RARB: variants seen among roughly 807,000 people sequenced by gnomAD.
RARB encodes HBV-activated protein.
RARB carries 17 observed loss-of-function variants against 51.9 expected under a neutral mutation model. The observed-to-expected ratio is 0.33, with a 90% CI of 0.22 to 0.49. The LOEUF (loss-of-function observed/expected upper bound fraction) is 0.49. RARB is among the 20% of genes least tolerant of loss of function. RARB has a pLI of 0.99. For missense variants in RARB, 369 were observed against 550.8 expected, an observed-to-expected ratio of 0.67 and a Z score of 3.30; for synonymous variants, 215 against 195.4, an observed-to-expected ratio of 1.10 and a Z score of -0.84.
At chr3:25,536,980 T>C (rs1306538549) in intron 3 of RARB, among the ~76,000 whole-genome samples, 2 of 152,170 alleles carry the variant, frequency 1.3e-5, no homozygotes, top group Non-Finnish European at 2.9e-5. Context: ...ACAGACGAAA[T>C]TCCCAGAATC....
intron 2 of RARB, among the ~76,000 whole-genome samples, chr3:24,983,201 T>A (rs1382794656): frequency 6.6e-6 from 1 of 152,148 alleles, no homozygotes; most frequent in Admixed American, 6.5e-5. Context: ...GGTACACACA[T>A]CTGCCAACCT....
chr3:25,454,101 T>G (rs1360984752), intron 1 of RARB, among the ~76,000 whole-genome samples: 1 of 152,060 alleles, frequency 6.6e-6, no homozygotes, highest in Non-Finnish European at 1.5e-5. Flanking sequence ...CAGTATGGAG[T>G]CTTCCCGTGC....
At chr3:24,835,443 T>C (rs1016228704) in intron 1 of RARB, among the ~76,000 whole-genome samples, 8 of 152,166 alleles carry the variant, frequency 5.3e-5, no homozygotes, top group Non-Finnish European at 1.2e-4. Context: ...ATGGTGAAAA[T>C]TAGAGTAATG....
chr3:25,486,319 G>C (rs75413377), intron 2 of RARB, among the ~76,000 whole-genome samples: 294 of 152,308 alleles, frequency 1.9e-3, no homozygotes, highest in African/African-American at 6.7e-3. Context: ...TTGTGAAATG[G>C]AACTACAGAA....
chr3:25,190,350 T>G (rs1391510879), intron 5 of RARB, among the ~76,000 whole-genome samples: 1 of 152,126 alleles, frequency 6.6e-6, no homozygotes, highest in Non-Finnish European at 1.5e-5. Flanking sequence ...GGTTCATGTT[T>G]CCAAATGATA....
At chr3:25,483,212 A>G (rs112127342) in intron 2 of RARB, among the ~76,000 whole-genome samples, 58 of 152,346 alleles carry the variant, frequency 3.8e-4, no homozygotes, top group African/African-American at 1.3e-3. Context: ...TCGGGACACA[A>G]TTGTTTTAAG....
At chr3:25,160,263 C>T (rs1367062619) in intron 4 of RARB, among the ~76,000 whole-genome samples, 2 of 152,166 alleles carry the variant, frequency 1.3e-5, no homozygotes, top group East Asian at 1.9e-4. Context: ...GTGGAGAAAG[C>T]GAAATAGCCA....
At chr3:25,151,688 G>A (rs1700289415) in intron 4 of RARB, among the ~76,000 whole-genome samples, 1 of 152,110 alleles carries the variant, frequency 6.6e-6, no homozygotes, top group African/African-American at 2.4e-5. Context: ...TCCGTCTATT[G>A]TACCTTTATT....
intron 2 of RARB, among the ~76,000 whole-genome samples, chr3:24,982,569 T>C (rs747500913): frequency 3.5e-4 from 54 of 152,352 alleles, no homozygotes; most frequent in Non-Finnish European, 6.0e-4. Context: ...TCTTTGGTTT[T>C]CCTTTATACC....
At chr3:25,462,208 T>G (rs1695221824) in intron 2 of RARB, 1 of 152,226 alleles carries the variant, frequency 6.6e-6, no homozygotes, top group Non-Finnish European at 1.5e-5. Context: ...AGGCTGAACA[T>G]GTGTCAGAGA....
chr3:25,176,334 TTTCCTTCCTTCCTTCC>T lies in RARB; in HGVS notation c.178+1798_178+1813del, dbSNP rs71057701. Among the ~76,000 whole-genome samples the T allele has an allele frequency of 5.1e-3, 556 of 108,342 alleles. 32 individuals carry two copies. The highest frequency in any genetic ancestry group is 0.019 in the East Asian group (64 of 3,428). 71.1% of individuals were successfully genotyped at this position (108,342 alleles called of 152,430 possible). ...CTTTCTTTCTTTCTTTCTTTCTTTC[TTTCCTTCCTTCCTTCC>T]TTCCTTCCTTCCTTCCTTCCTTCCT... On this transcript the variant is annotated intron_variant, in intron 5 of 11. Transcript: ENST00000383772.
chr3:25,285,723 C>G (rs1368502482), intron 5 of RARB, among the ~76,000 whole-genome samples: 1 of 152,042 alleles, frequency 6.6e-6, no homozygotes, highest in Non-Finnish European at 1.5e-5. Flanking sequence ...GTGACTATGC[C>G]CATTTTACCA....
intron 4 of RARB, among the ~76,000 whole-genome samples, chr3:25,159,458 C>T (rs1349335414): frequency 4.0e-5 from 6 of 150,010 alleles, no homozygotes; most frequent in Non-Finnish European, 7.4e-5. Context: ...GGATTACAGG[C>T]GTGAGCCACC....
At chr3:25,239,573 T>C (rs1702380997) in intron 5 of RARB, among the ~76,000 whole-genome samples, 1 of 152,214 alleles carries the variant, frequency 6.6e-6, no homozygotes, top group South Asian at 2.1e-4. Context: ...TTTCCCAGTA[T>C]AGGTTCTTGA....
intron 5 of RARB, among the ~76,000 whole-genome samples, chr3:25,413,872 T>C (rs1325922824): frequency 6.6e-6 from 1 of 152,242 alleles, no homozygotes; most frequent in Non-Finnish European, 1.5e-5. Flanking sequence ...TTTTGCTCAA[T>C]ACTATTTTCC....
At chr3:24,892,569 A>C (rs1363547752) in intron 2 of RARB, among the ~76,000 whole-genome samples, 9 of 152,230 alleles carry the variant, frequency 5.9e-5, no homozygotes, top group Non-Finnish European at 4.4e-5. Context: ...GCATTTTATA[A>C]AGAGAATGGC....
intron 2 of RARB, among the ~76,000 whole-genome samples, chr3:24,864,320 T>C (rs967625748): frequency 2.6e-5 from 4 of 152,210 alleles, no homozygotes; most frequent in African/African-American, 4.8e-5. Flanking sequence ...CCTTGTTCTT[T>C]TCCTTTGCCA....
intron 5 of RARB, among the ~76,000 whole-genome samples, chr3:25,589,276 G>A (rs888282296): frequency 8.5e-5 from 13 of 152,140 alleles, no homozygotes; most frequent in African/African-American, 2.7e-4. Context: ...GTGAGTCATC[G>A]AAGCTTCACA....
At chr3:24,894,908 G>A (rs1486558464) in intron 2 of RARB, among the ~76,000 whole-genome samples, 3 of 152,144 alleles carry the variant, frequency 2.0e-5, no homozygotes, top group Admixed American at 6.5e-5. Context: ...TGGGTTAAAA[G>A]GAGAGTCAGA....
Sources: allele counts gnomAD v4.1 joint callset (sites outside exome capture counted in the v4.1 genomes callset), GRCh38; gene constraint gnomAD v4.1.1; transcripts MANE v1.5; gene names NCBI Gene and HGNC (gene_info 2026-07-23, HGNC 2026-07-21).